CNTN6: variants seen among roughly 807,000 people sequenced by gnomAD.
The protein encoded by CNTN6 is contactin 6, also known as contactin-6.
A neutral mutation model predicts 122.8 loss-of-function variants in CNTN6; 137 were observed. That is an observed-to-expected ratio of 1.12 (90% CI 0.97 to 1.29). The LOEUF is 1.29. Among genes scored for constraint, CNTN6 ranks in the 50% most tolerant of loss-of-function variants. The probability of loss-of-function intolerance (pLI) is 0.00; values close to 1 mark genes in which losing one functional copy is unlikely to be tolerated. For missense variants in CNTN6, 1,634 were observed against 1,223.4 expected (o/e 1.34, Z -5.01); for synonymous variants, 570 against 426.0 (o/e 1.34, Z -4.16).
chr3:1,374,054 G>A lies in CNTN6; in HGVS notation c.2076G>A (p.Leu692=). The A allele has an allele frequency of 2.5e-6, 4 of 1,612,628 alleles. No homozygotes were observed. The highest frequency in any genetic ancestry group is 1.7e-4 in the Middle Eastern group (1 of 6,056). ...GIGEPSEPSE[L]LRTKASVPVV... ...GAGAACCAAGTGAACCATCAGAATTGTTAAGAACTAAAGCATCAGGTAAAG... is the reference window on the plus strand; with the variant it reads ...GAGAACCAAGTGAACCATCAGAATTATTAAGAACTAAAGCATCAGGTAAAG... Residue 692 remains leucine (L), a synonymous_variant, in exon 16 of 23, where the codon TTG becomes TTA. Coordinates refer to ENST00000446702, the MANE Select transcript of CNTN6 (RefSeq NM_001289080.2).
intron 5 of CNTN6, among the ~76,000 whole-genome samples, chr3:1,289,666 GTTTT>G (rs1559721849): frequency 3.7e-5 from 4 of 106,696 alleles, no homozygotes; most frequent in African/African-American, 1.7e-4. Flanking sequence ...GTTTTGTTTT[GTTTT>G]TTTGGGTTTT....
chr3:1,232,091 TGAAA>T (rs1229912096), intron 4 of CNTN6, among the ~76,000 whole-genome samples: 1 of 152,230 alleles, frequency 6.6e-6, no homozygotes, highest in East Asian at 1.9e-4. Context: ...ATAGGTGTTT[TGAAA>T]GAAACCCATG....
intron 12 of CNTN6, among the ~76,000 whole-genome samples, chr3:1,357,922 T>G (rs569288270): frequency 6.6e-6 from 1 of 151,372 alleles, no homozygotes; most frequent in African/African-American, 2.4e-5. Flanking sequence ...TTAATGTATA[T>G]TCACTAAATT....
intron 8 of CNTN6, among the ~76,000 whole-genome samples, chr3:1,324,135 G>A (rs1051815184): frequency 4.0e-5 from 6 of 149,312 alleles, no homozygotes; most frequent in Admixed American, 4.0e-4. Flanking sequence ...GTCCCTCAAG[G>A]CTGCAGGAAG....
intron 2 of CNTN6, among the ~76,000 whole-genome samples, chr3:1,196,882 C>A (rs769674741): frequency 6.6e-6 from 1 of 152,162 alleles, no homozygotes. Context: ...ACCTATAAAA[C>A]TTTCTGCCCA....
rs532021071 is a variant in CNTN6, at chr3:1,370,170, T to A, written c.1493-2129T>A. On this transcript the variant is annotated intron_variant, in intron 12 of 22. Coordinates refer to ENST00000446702, the MANE Select transcript of CNTN6 (RefSeq NM_001289080.2). ...CCCAATAAGATCCATACATGGCAGT[T>A]GGCCAAGTTTTTTTTTAATCTATTG... Among the ~76,000 whole-genome samples, 7 of 152,154 alleles carry A rather than the reference T, an allele frequency of 4.6e-5. No individual in the cohort carries two copies. In the East Asian group the frequency reaches 7.7e-4, roughly 17 times the overall value.
chr3:1,221,324 C>T (rs1192862902), intron 3 of CNTN6, among the ~76,000 whole-genome samples: 3 of 152,140 alleles, frequency 2.0e-5, no homozygotes, highest in Non-Finnish European at 4.4e-5. Flanking sequence ...TTTTGCATTT[C>T]CCACCCCTGC....
intron 4 of CNTN6, among the ~76,000 whole-genome samples, chr3:1,249,076 C>T (rs1429526232): frequency 6.6e-6 from 1 of 152,098 alleles, no homozygotes; most frequent in Non-Finnish European, 1.5e-5. Context: ...GATGGTGCTG[C>T]CCTGGACAGA....
At chr3:1,133,826 A>G (rs1033287443) in intron 1 of CNTN6, among the ~76,000 whole-genome samples, 4 of 152,126 alleles carry the variant, frequency 2.6e-5, no homozygotes, top group Admixed American at 6.5e-5. Context: ...GTGTTCTCAT[A>G]TTCTTCTTTC....
At chr3:1,237,289 C>A (rs1297394915) in intron 4 of CNTN6, among the ~76,000 whole-genome samples, 1 of 151,804 alleles carries the variant, frequency 6.6e-6, no homozygotes, top group Admixed American at 6.6e-5. Context: ...GAAGAAAGAA[C>A]TTCAGAGCTC....
chr3:1,241,475 T>G (rs1488335597), intron 4 of CNTN6, among the ~76,000 whole-genome samples: 1 of 151,976 alleles, frequency 6.6e-6, no homozygotes, highest in Non-Finnish European at 1.5e-5. Flanking sequence ...TATAGAATGA[T>G]TGGTGATGGC....
intron 7 of CNTN6, among the ~76,000 whole-genome samples, chr3:1,308,666 A>C (rs752558995): frequency 3.6e-4 from 54 of 151,842 alleles, no homozygotes; most frequent in Non-Finnish European, 6.3e-4. Context: ...CACATGGATC[A>C]CTCTGCTCTC....
At position 1,129,451 on chromosome 3, in the gene CNTN6, C is replaced by T. The variant is rs148989350; in HGVS notation, c.-82-18476C>T. Among the ~76,000 whole-genome samples, 354 of 152,092 alleles carry T rather than the reference C, an allele frequency of 2.3e-3. 1 individual carries two copies. The highest frequency in any genetic ancestry group is 8.2e-3 in the African/African-American group (339 of 41,514). On this transcript the variant is annotated intron_variant, in intron 1 of 22. Transcript: ENST00000446702. Reference sequence around the variant, plus strand: ...CCGTCTTCATGCATATAGGCACAGGCTGGGGAAAGGTTTGGGATGACTTTT... The same window carrying T: ...CCGTCTTCATGCATATAGGCACAGGTTGGGGAAAGGTTTGGGATGACTTTT...
intron 2 of CNTN6, among the ~76,000 whole-genome samples, chr3:1,199,946 T>TAAA (rs2093836995): frequency 1.3e-5 from 2 of 152,210 alleles, no homozygotes; most frequent in Admixed American, 1.3e-4. Flanking sequence ...AGTTTTTCAC[T>TAAA]CTGCTTAGCT....
At chr3:1,244,811 G>A (rs917041036) in intron 4 of CNTN6, among the ~76,000 whole-genome samples, 27 of 151,986 alleles carry the variant, frequency 1.8e-4, no homozygotes, top group Non-Finnish European at 2.8e-4. Flanking sequence ...TCTCTGGTGG[G>A]CAGGGGTGGA....
At chr3:1,373,506 T>A in intron 14 of CNTN6, 98 bp from the exon 15 acceptor site, 1 of 1,130,294 alleles carries the variant, frequency 8.8e-7, no homozygotes, top group Non-Finnish European at 1.3e-6. Context: ...GTCAATATTT[T>A]ACTTCCTAAG....
chr3:1,244,561 C>T (rs1217132391), intron 4 of CNTN6, among the ~76,000 whole-genome samples: 3 of 152,176 alleles, frequency 2.0e-5, no homozygotes, highest in African/African-American at 7.2e-5. Flanking sequence ...GAACAAAGAG[C>T]AGGAGGACGG....
rs1233807081 is a variant in CNTN6, at chr3:1,132,085, C to T, written c.-82-15842C>T. ...TATATGCATTTAGTTTATTTATATG[C>T]GTACATCCTCTGAAAAACTAGTATG... On this transcript the variant is annotated intron_variant, in intron 1 of 22. Transcript: ENST00000446702. Among the ~76,000 whole-genome samples, 5 of 152,008 alleles carry T rather than the reference C, an allele frequency of 3.3e-5. No individual in the cohort carries two copies. In the East Asian group the frequency reaches 7.7e-4, roughly 24 times the overall value.
chr3:1,220,037 T>C (rs959272430), intron 2 of CNTN6, among the ~76,000 whole-genome samples: 1 of 104,682 alleles, frequency 9.6e-6, no homozygotes, highest in Admixed American at 8.4e-5. Context: ...AAAAAAAATA[T>C]CAACTGGATT....
Sources: allele counts gnomAD v4.1 joint callset (sites outside exome capture counted in the v4.1 genomes callset), GRCh38; gene constraint gnomAD v4.1.1; transcripts MANE v1.5; gene names NCBI Gene and HGNC (gene_info 2026-07-23, HGNC 2026-07-21).